Variants in SOX5 observed in about 807,000 individuals in gnomAD.
The protein encoded by SOX5 is transcription factor SOX-5.
Under a neutral mutation model 92.0 loss-of-function variants are expected in SOX5, and 9 were observed. The ratio of observed to expected loss-of-function variants is 0.10; its 90% confidence interval spans 0.06 to 0.17. SOX5 has a LOEUF of 0.17. SOX5 is among the 10% of genes least tolerant of loss of function. The probability of loss-of-function intolerance (pLI) is 1.00; values close to 1 mark genes in which losing one functional copy is unlikely to be tolerated. For synonymous variants in SOX5, 344 were observed against 336.3 expected (o/e 1.02, Z -0.25); for missense variants, 642 against 944.5 (o/e 0.68, Z 4.20).
At position 23,533,997 on chromosome 12, in the gene SOX5, A is replaced by C. The variant is rs1169700673; in HGVS notation, c.*222T>G. Reference sequence around the variant, plus strand: ...CATTATTTTACCCATAGCTTATTTCAATCTCTTGTTGTTGATATTGTTGTT... The same window carrying C: ...CATTATTTTACCCATAGCTTATTTCCATCTCTTGTTGTTGATATTGTTGTT... On this transcript the variant is annotated 3_prime_UTR_variant, in exon 15 of 15. Transcript: ENST00000451604. The C allele has an allele frequency of 2.2e-6, 1 of 463,326 alleles. No individual in the cohort carries two copies. Among genetic ancestry groups the C allele is most frequent in the Non-Finnish European group, 3.8e-6 (1 of 259,764 alleles). The allele number at this position is 463,326 out of a possible 1,614,324, so 28.7% of individuals were successfully genotyped here.
chr12:24,254,129 A>G (rs1374316741), intron 3 of SOX5, among the ~76,000 whole-genome samples: 1 of 152,134 alleles, frequency 6.6e-6, no homozygotes, highest in African/African-American at 2.4e-5. Flanking sequence ...TTTCTGTTTG[A>G]TCTACAAGGT....
At chr12:24,093,987 C>T (rs1234404162) in intron 4 of SOX5, among the ~76,000 whole-genome samples, 1 of 152,064 alleles carries the variant, frequency 6.6e-6, no homozygotes, top group Non-Finnish European at 1.5e-5. Context: ...GCTCTTGTTG[C>T]CCAGGCTGGA....
chr12:23,714,780 C>T (rs1045417585), intron 6 of SOX5, among the ~76,000 whole-genome samples: 4 of 152,126 alleles, frequency 2.6e-5, no homozygotes, highest in African/African-American at 9.7e-5. Flanking sequence ...AAAACAAATA[C>T]TTGCTTTTCA....
At chr12:24,354,730 G>A (rs1470832032) in intron 2 of SOX5, among the ~76,000 whole-genome samples, 1 of 152,224 alleles carries the variant, frequency 6.6e-6, no homozygotes, top group Non-Finnish European at 1.5e-5. Context: ...AACACAACAG[G>A]ATGTCTGGTC....
chr12:24,122,781 C>T (rs1948757645), intron 4 of SOX5, among the ~76,000 whole-genome samples: 1 of 151,872 alleles, frequency 6.6e-6, no homozygotes, highest in African/African-American at 2.4e-5. Flanking sequence ...AATATGAAAA[C>T]AAAAGTTTTT....
chr12:23,779,836 CACAT>C (rs1458735136), intron 3 of SOX5, among the ~76,000 whole-genome samples: 64 of 142,156 alleles, frequency 4.5e-4, no homozygotes, highest in African/African-American at 7.3e-4. Context: ...CACACACACA[CACAT>C]ATGCATACAT....
intron 4 of SOX5, among the ~76,000 whole-genome samples, chr12:24,074,740 C>G (rs74419529): frequency 0.039 from 5,852 of 151,144 alleles, 122 homozygotes; most frequent in Non-Finnish European, 0.046. Context: ...TCATACCACT[C>G]TTGAATTCAC....
At chr12:24,228,059 G>A (rs773219270) in intron 3 of SOX5, among the ~76,000 whole-genome samples, 3 of 152,160 alleles carry the variant, frequency 2.0e-5, no homozygotes, top group Non-Finnish European at 4.4e-5. Context: ...TGTCTCCACT[G>A]ACAAAGAGAA....
At chr12:24,524,875 G>T (rs780905328) in intron 1 of SOX5, among the ~76,000 whole-genome samples, 1 of 151,982 alleles carries the variant, frequency 6.6e-6, no homozygotes, top group Non-Finnish European at 1.5e-5. Flanking sequence ...TAATTAAATC[G>T]GCTGGGCCTG....
intron 2 of SOX5, among the ~76,000 whole-genome samples, chr12:24,309,567 A>G (rs1299565939): frequency 6.6e-6 from 1 of 152,204 alleles, no homozygotes; most frequent in Non-Finnish European, 1.5e-5. Flanking sequence ...AATGTTTTTA[A>G]GGTACCCATT....
At chr12:24,517,192 C>T (rs982095256) in intron 1 of SOX5, among the ~76,000 whole-genome samples, 2 of 152,218 alleles carry the variant, frequency 1.3e-5, no homozygotes, top group African/African-American at 4.8e-5. Flanking sequence ...ATTCTATCCC[C>T]CTTTCCCTTG....
At chr12:23,664,322 C>CATATATATATATATATATATATATAT (rs34331621) in intron 7 of SOX5, among the ~76,000 whole-genome samples, 5 of 149,996 alleles carry the variant, frequency 3.3e-5, no homozygotes, top group African/African-American at 9.8e-5. Flanking sequence ...AATTCATTAA[C>CATATATATATATATATATATATATAT]ATATATATAT....
rs542121160 is a variant in SOX5, at chr12:24,223,802, CA to C, written c.-76-10386del. Among the ~76,000 whole-genome samples the C allele has an allele frequency of 3.2e-4, 48 of 151,792 alleles. No homozygotes were observed. The South Asian group carries it at 6.9e-3, about 22-fold the overall frequency. On this transcript the variant is annotated intron_variant, in intron 3 of 4. Coordinates refer to the SOX5 transcript ENST00000446891. ...AAAAAACAACAAACAAACAAACAAA[CA>C]AAAAAACATACACACACGAATGAGT...
Position 24,162,210 on chromosome 12 carries a change from T to A in SOX5, c.-2+51133A>T, listed in dbSNP as rs544357411. ...TCCATTGTGCTTTTATAGAAAGAGA[T>A]ACAATAGACCAGAGCCTCTTTAGCA... is the stretch of plus-strand genomic sequence containing the variant. On this transcript the variant is annotated intron_variant, in intron 4 of 4. Transcript: ENST00000446891. Among the ~76,000 whole-genome samples the A allele has an allele frequency of 9.9e-5, 15 of 152,242 alleles. No homozygotes were observed. The East Asian group carries it at 2.9e-3, about 29-fold the overall frequency.
intron 1 of SOX5, among the ~76,000 whole-genome samples, chr12:24,371,515 T>C (rs953290176): frequency 1.3e-5 from 2 of 152,226 alleles, no homozygotes; most frequent in African/African-American, 4.8e-5. Context: ...TTATACAGGA[T>C]CACAGGCTTC....
chr12:24,523,735 A>T (rs1306258068), intron 1 of SOX5, among the ~76,000 whole-genome samples: 1 of 152,222 alleles, frequency 6.6e-6, no homozygotes, highest in African/African-American at 2.4e-5. Context: ...GACACAAAAA[A>T]ATCAACTCAA....
At chr12:24,150,908 A>G (rs527796333) in intron 4 of SOX5, among the ~76,000 whole-genome samples, 6 of 152,110 alleles carry the variant, frequency 3.9e-5, no homozygotes. Context: ...TCATTGATCA[A>G]TGAAACAAAG....
chr12:24,310,336 T>C (rs1169189966), intron 2 of SOX5, among the ~76,000 whole-genome samples: 2 of 152,208 alleles, frequency 1.3e-5, no homozygotes, highest in Admixed American at 6.5e-5. Flanking sequence ...GTGTTATGTA[T>C]TACGGTTTCT....
intron 13 of SOX5, among the ~76,000 whole-genome samples, chr12:23,537,310 A>C (rs1167136381): frequency 6.6e-6 from 1 of 152,202 alleles, no homozygotes; most frequent in Admixed American, 6.5e-5. Flanking sequence ...CAATCTTATA[A>C]AAGAGACAGC....
Sources: gnomAD v4.1 joint callset for allele counts (sites outside exome capture counted in the v4.1 genomes callset) on GRCh38, gnomAD v4.1.1 for gene constraint, MANE v1.5 for transcripts, NCBI Gene and HGNC (gene_info 2026-07-23, HGNC 2026-07-21) for gene names.